DCC: variants seen among roughly 807,000 people sequenced by gnomAD.
The protein encoded by DCC is DCC netrin 1 receptor, also known as netrin receptor DCC.
A neutral mutation model predicts 172.5 loss-of-function variants in DCC; 58 were observed. That is an observed-to-expected ratio of 0.34 (90% CI 0.27 to 0.42). The LOEUF (loss-of-function observed/expected upper bound fraction) is 0.42, where lower values mean the gene tolerates loss of function less well. DCC is among the 10% of genes least tolerant of loss of function. The pLI is 1.00. For missense variants in DCC, 1,740 were observed against 1,791.0 expected (o/e 0.97, Z 0.51); for synonymous variants, 709 against 644.5 (o/e 1.10, Z -1.52).
chr18:53,083,757 T>C (rs1033811179), intron 7 of DCC, among the ~76,000 whole-genome samples: 3 of 152,176 alleles, frequency 2.0e-5, no homozygotes, highest in Admixed American at 1.3e-4. Context: ...GGTTGTCATA[T>C]CAAATTTCCT....
At chr18:52,561,040 G>T (rs1049474337) in intron 1 of DCC, among the ~76,000 whole-genome samples, 1 of 152,026 alleles carries the variant, frequency 6.6e-6, no homozygotes, top group Non-Finnish European at 1.5e-5. Flanking sequence ...ATATCCAGAT[G>T]TTTGGTGTTA....
At chr18:52,625,925 C>T (rs546058497) in intron 1 of DCC, among the ~76,000 whole-genome samples, 4 of 152,264 alleles carry the variant, frequency 2.6e-5, no homozygotes, top group East Asian at 1.9e-4. Flanking sequence ...AACTCATCAG[C>T]GGCTCCTGTT....
intron 1 of DCC, among the ~76,000 whole-genome samples, chr18:52,588,865 T>A (rs2033736364): frequency 6.7e-6 from 1 of 149,212 alleles, no homozygotes; most frequent in Non-Finnish European, 1.5e-5. Flanking sequence ...GCCAACAGCA[T>A]CTTTTTTTTT....
chr18:52,906,257 T>C lies in DCC; in HGVS notation c.626T>C (p.Ile209Thr). 1 of 1,614,034 alleles carries C rather than the reference T, an allele frequency of 6.2e-7. No homozygotes were observed. Among genetic ancestry groups the C allele is most frequent in the East Asian group, 2.2e-5 (1 of 44,852 alleles). ...CGACTCCAACCGGGGGACATTGGAA[T>C]TTACCGATGCTCAGCTCGAAATCCA... ...ISRLQPGDIG[I>T]YRCSARNPAS... Residue 209 changes from isoleucine to threonine, a missense_variant, in exon 3 of 29, where the codon ATT (isoleucine) becomes ACT (threonine). Physicochemically the swap from Ile to Thr is moderately conservative, Grantham distance 89. Coordinates refer to ENST00000442544, the MANE Select transcript of DCC (RefSeq NM_005215.4).
At chr18:52,877,546 A>G (rs899145852) in intron 2 of DCC, among the ~76,000 whole-genome samples, 11 of 152,020 alleles carry the variant, frequency 7.2e-5, no homozygotes, top group Non-Finnish European at 1.0e-4. Context: ...GTCTCTATAA[A>G]AAATACAAAA....
chr18:53,493,890 G>GCTTCT (rs1223220217), intron 26 of DCC, among the ~76,000 whole-genome samples: 8 of 151,950 alleles, frequency 5.3e-5, no homozygotes, highest in African/African-American at 1.7e-4. Flanking sequence ...GTTTGCTCTT[G>GCTTCT]CTTCTCTAGT....
chr18:52,386,671 C>T (rs1245540622), intron 1 of DCC, among the ~76,000 whole-genome samples: 3 of 152,128 alleles, frequency 2.0e-5, no homozygotes, highest in Admixed American at 6.5e-5. Flanking sequence ...GAGGGAAAGA[C>T]AGCCAAGTAA....
rs2046535368 is a variant in DCC, at chr18:53,532,646, C to G, written c.*1993C>G. ...ATTCATTGGGCTAGCCCAACCTTCTCTAGGCCCTAAGAATTATTACCTCCC... is the reference window on the plus strand; with the variant it reads ...ATTCATTGGGCTAGCCCAACCTTCTGTAGGCCCTAAGAATTATTACCTCCC... On this transcript the variant is annotated 3_prime_UTR_variant, in exon 29 of 29. Transcript: ENST00000442544. The G allele has an allele frequency of 6.6e-6, 1 of 152,172 alleles. No individual in the cohort carries two copies. Among genetic ancestry groups the G allele is most frequent in the Non-Finnish European group, 1.5e-5 (1 of 68,036 alleles). 9.4% of individuals were successfully genotyped at this position (152,172 alleles called of 1,614,324 possible). A position where few individuals can be genotyped will look rare whatever the true frequency, so the allele number is the denominator to read the frequency against.
intron 12 of DCC, among the ~76,000 whole-genome samples, chr18:53,216,487 A>C (rs868129784): frequency 6.6e-6 from 1 of 152,158 alleles, no homozygotes; most frequent in East Asian, 1.9e-4. Context: ...AAAGTTTTCA[A>C]CCTTAGCAAA....
At chr18:52,715,075 T>C (rs1257377251) in intron 1 of DCC, among the ~76,000 whole-genome samples, 1 of 152,168 alleles carries the variant, frequency 6.6e-6, no homozygotes, top group East Asian at 1.9e-4. Flanking sequence ...CTTTGCTACA[T>C]CTACAAAAGC....
intron 1 of DCC, among the ~76,000 whole-genome samples, chr18:52,667,261 C>T (rs921828715): frequency 6.6e-6 from 1 of 152,106 alleles, no homozygotes; most frequent in Admixed American, 6.5e-5. Flanking sequence ...TGCCCCAACC[C>T]CCAAATGGTA....
chr18:52,926,810 T>A (rs1272175488), intron 5 of DCC, among the ~76,000 whole-genome samples: 1 of 136,728 alleles, frequency 7.3e-6, no homozygotes, highest in African/African-American at 2.6e-5. Context: ...CATATACATA[T>A]GTGTGTGTAT....
At position 53,500,743 on chromosome 18, in the gene DCC, C is replaced by A. The variant is rs76321832; in HGVS notation, c.4111+1233C>A. On this transcript the variant is annotated intron_variant, in intron 27 of 28. Transcript: ENST00000442544. ...GCATGTAGGATTCCATTGGTTGGGA[C>A]GCACGTTCCACTATGGAGTCTTCCT... is the stretch of plus-strand genomic sequence containing the variant. 1.3e-5 allele frequency among the ~76,000 whole-genome samples: 2 copies of A among 151,742 alleles called. 1 individual carries two copies. Among genetic ancestry groups the A allele is most frequent in the East Asian group, 3.9e-4 (2 of 5,152 alleles).
At chr18:52,787,744 T>A (rs377200348) in intron 2 of DCC, among the ~76,000 whole-genome samples, 37 of 152,108 alleles carry the variant, frequency 2.4e-4, no homozygotes, top group Non-Finnish European at 4.3e-4. Flanking sequence ...TGTTAGAGAT[T>A]TAAAACACTT....
chr18:52,481,020 C>T (rs569004392), intron 1 of DCC, among the ~76,000 whole-genome samples: 9 of 152,062 alleles, frequency 5.9e-5, no homozygotes, highest in Non-Finnish European at 1.3e-4. Context: ...AAAACTATTA[C>T]TTTTAACAAA....
intron 1 of DCC, among the ~76,000 whole-genome samples, chr18:52,607,656 T>A (rs17748946): frequency 0.25 from 38,258 of 152,084 alleles, 5,311 homozygotes; most frequent in Middle Eastern, 0.34. Flanking sequence ...ATCACTTACA[T>A]AATCCCTTCA....
intron 12 of DCC, among the ~76,000 whole-genome samples, chr18:53,248,967 A>G (rs1598945654): frequency 1.3e-5 from 2 of 151,950 alleles, no homozygotes; most frequent in Admixed American, 6.6e-5. Context: ...GAAAGTTCCA[A>G]TTTTACCTTA....
rs370392166 is a variant in DCC at position 53,486,973 on chromosome 18, T to C, written c.3898+15T>C. On this transcript the variant is annotated intron_variant, in intron 26 of 28. Coordinates refer to ENST00000442544, the MANE Select transcript of DCC (RefSeq NM_005215.4). ...AAGAAGTCAGTGTAATGCATTTTCCTCTCTTTTTAATAAGCACAAATGAAT... is the reference window on the plus strand; with the variant it reads ...AAGAAGTCAGTGTAATGCATTTTCCCCTCTTTTTAATAAGCACAAATGAAT... The C allele has an allele frequency of 2.5e-6, 4 of 1,613,906 alleles. No individual in the cohort carries two copies. The highest frequency in any genetic ancestry group is 3.4e-6 in the Non-Finnish European group (4 of 1,179,984).
chr18:53,442,306 A>T (rs1266571562), intron 22 of DCC, among the ~76,000 whole-genome samples: 1 of 152,174 alleles, frequency 6.6e-6, no homozygotes, highest in East Asian at 1.9e-4. Context: ...TCATGTCTCT[A>T]TGTGACATTT....
Sources: allele counts gnomAD v4.1 joint callset (sites outside exome capture counted in the v4.1 genomes callset), GRCh38; gene constraint gnomAD v4.1.1; transcripts MANE v1.5; gene names NCBI Gene and HGNC (gene_info 2026-07-23, HGNC 2026-07-21).